SLC66A2: variants seen among roughly 807,000 people sequenced by gnomAD.
SLC66A2 encodes PQ loop repeat containing 1.
Under a neutral mutation model 25.5 loss-of-function variants are expected in SLC66A2, and 23 were observed. That is an observed-to-expected ratio of 0.90 (90% CI 0.65 to 1.28). The LOEUF is 1.28. Ranked by LOEUF, SLC66A2 falls within the 50% of genes most tolerant of loss-of-function variation. The pLI is 0.00. For missense variants in SLC66A2, 396 were observed against 373.1 expected, an observed-to-expected ratio of 1.06 and a Z score of -0.51; for synonymous variants, 193 against 166.5, an observed-to-expected ratio of 1.16 and a Z score of -1.23.
At chr18:79,916,972 C>T (rs1263715695) in intron 5 of SLC66A2, among the ~76,000 whole-genome samples, 1 of 152,260 alleles carries the variant, frequency 6.6e-6, no homozygotes, top group Non-Finnish European at 1.5e-5. Context: ...ACCGGCGGTG[C>T]CCGCCGCAGG....
chr18:79,929,649 A>G (rs908257896), intron 4 of SLC66A2, among the ~76,000 whole-genome samples: 3 of 152,230 alleles, frequency 2.0e-5, no homozygotes, highest in Non-Finnish European at 4.4e-5. Flanking sequence ...ACTTTAAAAT[A>G]GCTATTATAA....
At chr18:79,913,058 G>A (rs1285763307) in intron 5 of SLC66A2, among the ~76,000 whole-genome samples, 1 of 152,190 alleles carries the variant, frequency 6.6e-6, no homozygotes, top group African/African-American at 2.4e-5. Context: ...TCCAGCCCAT[G>A]TCCTGGCTGG....
chr18:79,911,737 G>A lies in SLC66A2; in HGVS notation c.608+7447C>T, dbSNP rs574754912. 1.7e-4 allele frequency among the ~76,000 whole-genome samples: 26 copies of A among 152,080 alleles called. 1 individual carries two copies. The highest frequency in any genetic ancestry group is 5.8e-4 in the African/African-American group (24 of 41,482). ...ACATCATTTAGAGGGCAGGGGAGGGGACGGGAGCAGGGAGGGGACGCAGCA... is the reference window on the plus strand; with the variant it reads ...ACATCATTTAGAGGGCAGGGGAGGGAACGGGAGCAGGGAGGGGACGCAGCA... On this transcript the variant is annotated intron_variant, in intron 5 of 5. Coordinates refer to ENST00000397778, the MANE Select transcript of SLC66A2 (RefSeq NM_025078.5).
chr18:79,909,962 C>G (rs1373991476), intron 5 of SLC66A2, among the ~76,000 whole-genome samples: 15 of 135,644 alleles, frequency 1.1e-4, no homozygotes, highest in Middle Eastern at 0.01. Flanking sequence ...ACAACCTCAC[C>G]AGAGTCCCCA....
intron 3 of SLC66A2, among the ~76,000 whole-genome samples, chr18:79,938,416 C>A (rs1372393405): frequency 6.6e-6 from 1 of 152,196 alleles, no homozygotes; most frequent in East Asian, 1.9e-4. Context: ...CCAGCCCTGC[C>A]TTCCTCAGGC....
In SLC66A2 at chr18:79,927,368, G is replaced by A. The variant is rs1986078103; in HGVS notation, c.391+6601C>T. ...ATCTGGAGGGACCTGAGGGGCACAGGCTACAGTCAGGAGAGCACAGACAAG... is the reference window on the plus strand; with the variant it reads ...ATCTGGAGGGACCTGAGGGGCACAGACTACAGTCAGGAGAGCACAGACAAG... On this transcript the variant is annotated intron_variant, in intron 4 of 5. Transcript: ENST00000397778. This position sits in a 1 kb window ranked among gnomAD's most constrained non-coding sequence, Gnocchi z 6.2. 6.6e-6 allele frequency among the ~76,000 whole-genome samples: 1 copy of A among 151,942 alleles called. No homozygotes were observed. Among genetic ancestry groups the A allele is most frequent in the Admixed American group, 6.5e-5 (1 of 15,282 alleles).
At chr18:79,934,339 C>T (rs1256996836) in intron 3 of SLC66A2, among the ~76,000 whole-genome samples, 4 of 152,114 alleles carry the variant, frequency 2.6e-5, no homozygotes, top group African/African-American at 9.7e-5. Context: ...CATGGGAGCC[C>T]GTCACAAGCG....
At chr18:79,943,542 C>T (rs1186586289) in intron 2 of SLC66A2, 80 bp from the exon 3 acceptor site, 30 of 1,536,882 alleles carry the variant, frequency 2.0e-5, no homozygotes, top group African/African-American at 1.9e-4. Context: ...GGGAGAGACC[C>T]GGGTCAGGAG....
chr18:79,906,989 T>C, intron 5 of SLC66A2, among the ~76,000 whole-genome samples: 1 of 152,252 alleles, frequency 6.6e-6, no homozygotes, highest in East Asian at 1.9e-4. Context: ...TTGGTTCATA[T>C]ATGCATCTCT....
chr18:79,912,315 A>G (rs1350679953), intron 5 of SLC66A2, among the ~76,000 whole-genome samples: 2 of 152,202 alleles, frequency 1.3e-5, no homozygotes, highest in South Asian at 4.1e-4. Context: ...ATGTAACAGC[A>G]TAAACGTTAA....
At chr18:79,916,262 A>ATAGCCGCAGTGCTCCCGTACCCGTG (rs1568302481) in intron 5 of SLC66A2, among the ~76,000 whole-genome samples, 8 of 43,340 alleles carry the variant, frequency 1.8e-4, no homozygotes, top group African/African-American at 4.6e-4. Context: ...TCATAGCCGC[A>ATAGCCGCAGTGCTCCCGTACCCGTG]GTGCTCCCGT....
At chr18:79,922,072 T>A (rs186691966) in intron 4 of SLC66A2, among the ~76,000 whole-genome samples, 8 of 148,992 alleles carry the variant, frequency 5.4e-5, no homozygotes, top group Admixed American at 2.6e-4. Context: ...GAGCGAGGGG[T>A]CAAATCAGGG....
intron 4 of SLC66A2, among the ~76,000 whole-genome samples, chr18:79,926,447 G>A (rs938928891): frequency 1.3e-5 from 2 of 152,016 alleles, no homozygotes; most frequent in African/African-American, 2.4e-5. Context: ...AACACTGAAC[G>A]GAGAACTGCC....
At chr18:79,938,700 G>A (rs1188550169) in intron 3 of SLC66A2, among the ~76,000 whole-genome samples, 1 of 152,180 alleles carries the variant, frequency 6.6e-6, no homozygotes, top group Non-Finnish European at 1.5e-5. Context: ...TTTTTAAGAT[G>A]GAGTCTCACC....
intron 5 of SLC66A2, among the ~76,000 whole-genome samples, chr18:79,914,152 C>T (rs183044071): frequency 1.2e-3 from 181 of 152,336 alleles, no homozygotes; most frequent in African/African-American, 4.3e-3. Context: ...GATCCACCTG[C>T]CCTGGCCTCC....
intron 2 of SLC66A2, chr18:79,944,680 C>T (rs111363895): frequency 0.013 from 1,927 of 152,516 alleles, 36 homozygotes; most frequent in African/African-American, 0.04. Flanking sequence ...TGCAGTTTGG[C>T]CTGAAGGGAA....
rs531241109 is a variant in SLC66A2, at chr18:79,942,800, A to C, written c.337+529T>G. Among the ~76,000 whole-genome samples the C allele has an allele frequency of 1.1e-4, 17 of 152,344 alleles. No individual in the cohort carries two copies. In the East Asian group the frequency reaches 2.5e-3, roughly 22 times the overall value. ...AGGAGCCATGTGTGCTAAGCATGTG[A>C]TTGGTCCTGCCCAGCTGTCAACACT... On this transcript the variant is annotated intron_variant, in intron 3 of 5. Coordinates refer to ENST00000397778, the MANE Select transcript of SLC66A2 (RefSeq NM_025078.5).
In SLC66A2 at chr18:79,943,305, T is replaced by C. The variant is rs368330073; in HGVS notation, c.337+24A>G. ...CCTACGCCCTGATTCCCTGCGACTT[T>C]ATTCCGAAGCGCCGGCCACCAACCT... is the stretch of plus-strand genomic sequence containing the variant. On this transcript the variant is annotated intron_variant, in intron 3 of 5. Transcript: ENST00000397778. 77 of 1,612,048 alleles carry C rather than the reference T, an allele frequency of 4.8e-5. No homozygotes were observed. The African/African-American group carries it at 1.0e-3, about 21-fold the overall frequency.
In SLC66A2 at chr18:79,903,154, CAA is replaced by C. The variant is rs1568282315; in HGVS notation, c.*820_*821del. On this transcript the variant is annotated 3_prime_UTR_variant, in exon 6 of 6. Coordinates refer to ENST00000397778, the MANE Select transcript of SLC66A2 (RefSeq NM_025078.5). ...GAAGGGGATCTCCGCCAGCAGAGCC[CAA>C]GAGTGGCGTGCAGACTGCATGTGCA... 1 of 152,358 alleles carries C rather than the reference CAA, an allele frequency of 6.6e-6. No homozygotes were observed. Among genetic ancestry groups the C allele is most frequent in the Non-Finnish European group, 1.5e-5 (1 of 68,130 alleles). 9.4% of individuals were successfully genotyped at this position (152,358 alleles called of 1,614,324 possible).
Sources: gnomAD v4.1 joint callset for allele counts (sites outside exome capture counted in the v4.1 genomes callset) on GRCh38, gnomAD v4.1.1 for gene constraint, Gnocchi (gnomAD v3.1) non-coding constraint, MANE v1.5 for transcripts, NCBI Gene and HGNC (gene_info 2026-07-23, HGNC 2026-07-21) for gene names.